The following ZNF836 variants were observed in gnomAD, a reference collection of about 807,000 sequenced individuals.
ZNF836 encodes zinc finger protein 836.
In ZNF836, 12 loss-of-function variants were observed where a neutral mutation model predicts 7.4. The observed-to-expected ratio is 1.61, with a 90% CI of 1.03 to 2.61. The LOEUF is 2.61. ZNF836 is among the 30% of genes most tolerant of loss of function. ZNF836 has a pLI of 0.00. For missense variants in ZNF836, 998 were observed against 1,126.2 expected (o/e 0.89, Z 1.63); for synonymous variants, 365 against 382.6 (o/e 0.95, Z 0.54).
intron 3 of ZNF836, among the ~76,000 whole-genome samples, chr19:52,167,844 G>A (rs910978134): frequency 1.3e-5 from 2 of 152,138 alleles, no homozygotes; most frequent in Admixed American, 1.3e-4. Context: ...TCTCTCCCAG[G>A]ACCATGCCCA....
chr19:52,156,312 A>C lies in ZNF836; in HGVS notation c.1371T>G (p.Leu457=). The change falls in exon 5 of 5, where the codon CTT becomes CTG. Residue 457 remains leucine, a synonymous_variant. Coordinates refer to ENST00000682614, the MANE Select transcript of ZNF836 (RefSeq NM_001102657.3). ...CAGTATGACTTCTCTGGTGCCTTGC[A>C]AGTTGTGAACGTTGACTGAAGACCT... ...CDKVFSQRSQ[L]ARHQRSHTGE... 1 of 1,614,136 alleles carries C rather than the reference A, an allele frequency of 6.2e-7. No individual in the cohort carries two copies. Among genetic ancestry groups the C allele is most frequent in the Non-Finnish European group, 8.5e-7 (1 of 1,180,018 alleles).
chr19:52,157,524 A>G lies in ZNF836; in HGVS notation c.159T>C (p.Cys53=). 6.6e-7 allele frequency: 1 copy of G among 1,521,902 alleles called. No homozygotes were observed. The highest frequency in any genetic ancestry group is 1.4e-5 in the African/African-American group (1 of 71,688). The allele number at this position is 1,521,902 out of a possible 1,614,324, so 94.3% of individuals were successfully genotyped here. Residue 53 remains cysteine (C), a synonymous_variant, in exon 5 of 5, where the codon TGT becomes TGC. Transcript: ENST00000682614. ...NLVFLGILPK[C]MTKELPPIGN... is the part of the protein sequence containing the mutation. ...CTATTGGTGGTAATTCCTTGGTCATACATTTAGGAAGGATACCTACAAAAT... is the reference window on the plus strand; with the variant it reads ...CTATTGGTGGTAATTCCTTGGTCATGCATTTAGGAAGGATACCTACAAAAT...
intron 4 of ZNF836, among the ~76,000 whole-genome samples, chr19:52,158,910 G>A (rs1450225890): frequency 6.6e-6 from 1 of 152,146 alleles, no homozygotes; most frequent in African/African-American, 2.4e-5. Context: ...ACTTTGGGAG[G>A]CAATTAGGTC....
intron 3 of ZNF836, among the ~76,000 whole-genome samples, chr19:52,164,736 T>C (rs1052753180): frequency 6.6e-6 from 1 of 152,170 alleles, no homozygotes; most frequent in Non-Finnish European, 1.5e-5. Context: ...ATAAATAATG[T>C]GAATATATAT....
At position 52,156,908 on chromosome 19, in the gene ZNF836, A is replaced by G. The variant is rs751786030; in HGVS notation, c.775T>C (p.Ser259Pro). The G allele has an allele frequency of 6.2e-7, 1 of 1,614,144 alleles. No homozygotes were observed. The highest frequency in any genetic ancestry group is 2.2e-5 in the East Asian group (1 of 44,872). Residue 259 changes from serine (S) to proline (P), a missense_variant, in exon 5 of 5, where the codon TCA becomes CCA. Transcript: ENST00000682614. ...NECGKAFHRG[S>P]LLTIHQIVHT... ...ACTATCTGATGTATAGTTAGTAGTG[A>G]GCCCCGATGAAAGGCTTTGCCACAT...
At position 52,171,453 on chromosome 19, in the gene ZNF836, A is replaced by G. The variant is rs1221649236; in HGVS notation, c.-332T>C. The G allele has an allele frequency of 6.6e-6, 1 of 152,274 alleles. No individual in the cohort carries two copies. The highest frequency in any genetic ancestry group is 1.9e-4 in the East Asian group (1 of 5,190). 9.4% of individuals were successfully genotyped at this position (152,274 alleles called of 1,614,324 possible). ...GATTCAGGCAGACGGGGCGAAGCAA[A>G]TGTTTAGTCCAGGTAGACGGAAACT... On this transcript the variant is annotated 5_prime_UTR_variant, in exon 1 of 5. Transcript: ENST00000682614.
At chr19:52,167,995 C>T in intron 3 of ZNF836, 63 bp downstream of exon 3, 1 of 1,307,628 alleles carries the variant, frequency 7.6e-7, no homozygotes, top group Non-Finnish European at 1.1e-6. Context: ...AGATTCGCAA[C>T]TCCAATGTGT....
intron 3 of ZNF836, among the ~76,000 whole-genome samples, chr19:52,162,465 A>C (rs1256287108): frequency 2.0e-5 from 3 of 152,232 alleles, no homozygotes; most frequent in Admixed American, 2.0e-4. Flanking sequence ...CACTGTGTTG[A>C]TGTTGCCAAG....
chr19:52,163,598 C>A (rs767315112), intron 3 of ZNF836, among the ~76,000 whole-genome samples: 15 of 152,072 alleles, frequency 9.9e-5, no homozygotes, highest in Non-Finnish European at 1.9e-4. Flanking sequence ...CATGGTGAAA[C>A]CCCGTCTCTA....
chr19:52,164,287 G>A (rs913038979), intron 3 of ZNF836, among the ~76,000 whole-genome samples: 2 of 151,752 alleles, frequency 1.3e-5, no homozygotes, highest in Admixed American at 6.6e-5. Context: ...CAGCTACTCA[G>A]GAGGTTAAGG....
In ZNF836 at chr19:52,161,358, C is replaced by A. The variant is rs2089211197; in HGVS notation, c.16-767G>T. Reference sequence around the variant, plus strand: ...TCATGATTCTGCTGGCTGGGGAAATCCAAGATCAAGGTGCCAGCAGGACTG... The same window carrying A: ...TCATGATTCTGCTGGCTGGGGAAATACAAGATCAAGGTGCCAGCAGGACTG... On this transcript the variant is annotated intron_variant, in intron 3 of 4. Transcript: ENST00000682614. This position sits in a 1 kb window ranked among gnomAD's most constrained non-coding sequence, Gnocchi z 4.1. Among the ~76,000 whole-genome samples, 1 of 152,116 alleles carries A rather than the reference C, an allele frequency of 6.6e-6. No individual in the cohort carries two copies. The highest frequency in any genetic ancestry group is 1.5e-5 in the Non-Finnish European group (1 of 68,014).
At chr19:52,167,829 G>A (rs564221180) in intron 3 of ZNF836, among the ~76,000 whole-genome samples, 22 of 152,232 alleles carry the variant, frequency 1.4e-4, no homozygotes, top group African/African-American at 4.8e-4. Context: ...GTGTCTGGGT[G>A]TGAGTCTCTC....
rs111373498 is a variant in ZNF836 at position 52,158,947 on chromosome 19, G to A, written c.143-1407C>T. On this transcript the variant is annotated intron_variant, in intron 4 of 4. Transcript: ENST00000682614. ...CCATGGTAGATAGAATTTCAGGAAC[G>A]GAATAGGAATTTGAGTAGATGTGAA... Among the ~76,000 whole-genome samples, 490 of 152,158 alleles carry A rather than the reference G, an allele frequency of 3.2e-3. 2 individuals are homozygous for A. The highest frequency in any genetic ancestry group is 0.011 in the African/African-American group (459 of 41,492).
chr19:52,163,930 TA>T (rs2089236390), intron 3 of ZNF836, among the ~76,000 whole-genome samples: 1 of 151,736 alleles, frequency 6.6e-6, no homozygotes, highest in African/African-American at 2.4e-5. Flanking sequence ...GTCAGAAAAT[TA>T]TAATTGTGTG....
chr19:52,165,971 T>A (rs779963954), intron 3 of ZNF836, among the ~76,000 whole-genome samples: 1 of 152,190 alleles, frequency 6.6e-6, no homozygotes, highest in Non-Finnish European at 1.5e-5. Flanking sequence ...AGAATATATA[T>A]GCCTTAATGT....
Position 52,157,416 on chromosome 19 carries a change from C to T in ZNF836, c.267G>A (p.Arg89=). The change falls in exon 5 of 5, where the codon AGG becomes AGA. Residue 89 remains arginine (R), a synonymous_variant. Transcript: ENST00000682614. ...ECYDVENFYL[R]EIQKNLQDLE... ...GGTCCTGTAGATTTTTCTGGATTTC[C>T]CTTAAGTAAAAATTTTCAACATCAT... The T allele has an allele frequency of 1.2e-6, 2 of 1,606,100 alleles. No individual in the cohort carries two copies. The highest frequency in any genetic ancestry group is 1.7e-6 in the Non-Finnish European group (2 of 1,178,070).
At position 52,155,005 on chromosome 19, in the gene ZNF836, T is replaced by C. The variant is rs1321224865; in HGVS notation, c.2678A>G (p.Asn893Ser). 3.7e-5 allele frequency: 60 copies of C among 1,613,764 alleles called. No homozygotes were observed. Among genetic ancestry groups the C allele is most frequent in the Non-Finnish European group, 5.0e-5 (59 of 1,179,838 alleles). The change falls in exon 5 of 5, where the codon AAT (asparagine) becomes AGT (serine). Residue 893 changes from asparagine (N) to serine (S), a missense_variant. By Grantham distance (46) the Asn-to-Ser change is conservative. Coordinates refer to ENST00000682614, the MANE Select transcript of ZNF836 (RefSeq NM_001102657.3). ...IHSGEKPYKC[N>S]ECGKSFISRS... ...ACTAATGAAAGATTTGCCACACTCA[T>C]TACATTTATAAGGTTTTTCTCCAGA...
At position 52,160,475 on chromosome 19, in the gene ZNF836, C is replaced by T; in HGVS notation, c.132G>A (p.Leu44=). The T allele has an allele frequency of 6.2e-7, 1 of 1,614,070 alleles. No individual in the cohort carries two copies. The highest frequency in any genetic ancestry group is 2.2e-5 in the East Asian group (1 of 44,862). The change falls in exon 4 of 5, where the codon CTG becomes CTA. Residue 44 remains leucine, a synonymous_variant. Transcript: ENST00000682614. The stretch of plus-strand genomic sequence containing the variant: ...CAAAATTATCCTTACCCAGGAAGAC[C>T]AGGTTCCTGTAGTTCTCCAACATCA... ...WDVMLENYRN[L]VFLGILPKCM...
chr19:52,164,621 C>T (rs559352104), intron 3 of ZNF836, among the ~76,000 whole-genome samples: 1 of 151,998 alleles, frequency 6.6e-6, no homozygotes, highest in Admixed American at 6.6e-5. Flanking sequence ...GGGATTTTGA[C>T]AGGGAGAGAA....
Sources: allele counts gnomAD v4.1 joint callset (sites outside exome capture counted in the v4.1 genomes callset), GRCh38; gene constraint gnomAD v4.1.1; non-coding constraint Gnocchi (gnomAD v3.1); transcripts MANE v1.5; gene names NCBI Gene and HGNC (gene_info 2026-07-23, HGNC 2026-07-21).